Variants in ADAMTSL1 observed in about 807,000 individuals in gnomAD.
The protein encoded by ADAMTSL1 is ADAMTS-like protein 1.
Under a neutral mutation model 201.8 loss-of-function variants are expected in ADAMTSL1, and 126 were observed. The observed-to-expected ratio is 0.62, with a 90% confidence interval of 0.54 to 0.72. ADAMTSL1 has a LOEUF of 0.72. ADAMTSL1 is among the 30% of genes least tolerant of loss of function. ADAMTSL1 has a pLI of 0.00. For missense variants in ADAMTSL1, 2,679 were observed against 2,277.8 expected (o/e 1.18, Z -3.59); for synonymous variants, 1,121 against 903.4 (o/e 1.24, Z -4.32).
At chr9:18,420,520 G>A (rs949611956) in intron 2 of ADAMTSL1, among the ~76,000 whole-genome samples, 2 of 152,184 alleles carry the variant, frequency 1.3e-5, no homozygotes, top group Admixed American at 6.5e-5. Context: ...CTTCCTCTAA[G>A]GCTGTCAGTA....
intron 13 of ADAMTSL1, among the ~76,000 whole-genome samples, chr9:18,704,262 C>G (rs528831778): frequency 1.0e-3 from 158 of 152,302 alleles, no homozygotes; most frequent in African/African-American, 3.7e-3. Context: ...AGAGTTCACG[C>G]AGTCCGCAAA....
intron 1 of ADAMTSL1, among the ~76,000 whole-genome samples, chr9:18,475,026 G>C (rs985317588): frequency 1.3e-5 from 2 of 152,094 alleles, no homozygotes; most frequent in Admixed American, 6.6e-5. Flanking sequence ...CTCATACTTG[G>C]TTTTATGGGC....
intron 1 of ADAMTSL1, among the ~76,000 whole-genome samples, chr9:17,931,054 C>G (rs1037745022): frequency 1.6e-4 from 25 of 152,140 alleles, no homozygotes; most frequent in Admixed American, 1.0e-3. Context: ...AACCAGTTCT[C>G]CATCTCATGG....
intron 26 of ADAMTSL1, chr9:18,905,442 G>C (rs1205243534): frequency 7.4e-6 from 2 of 271,152 alleles, no homozygotes; most frequent in Non-Finnish European, 1.4e-5. Flanking sequence ...CTATTTAAGG[G>C]TCTTCAGTTC....
intron 1 of ADAMTSL1, among the ~76,000 whole-genome samples, chr9:17,995,841 G>A (rs761724510): frequency 1.3e-5 from 2 of 151,240 alleles, no homozygotes; most frequent in Non-Finnish European, 2.9e-5. Flanking sequence ...GAGGATCCAG[G>A]TTCAAATCCT....
intron 5 of ADAMTSL1, chr9:18,622,610 G>C: frequency 1.7e-6 from 1 of 594,010 alleles, no homozygotes; most frequent in Non-Finnish European, 3.0e-6. Context: ...AACCAGACAT[G>C]GGGCTACAAA....
rs148864661 is a variant in ADAMTSL1, at chr9:18,766,175, G to C, written c.2218-4427G>C. Among the ~76,000 whole-genome samples, 940 of 152,268 alleles carry C rather than the reference G, an allele frequency of 6.2e-3. 6 individuals carry two copies. The highest frequency in any genetic ancestry group is 0.021 in the African/African-American group (856 of 41,540). ...ATTCACCTAGCTAGAACCATGCTTG[G>C]TTCATGATTGGCATTTAATAAATTT... On this transcript the variant is annotated intron_variant, in intron 16 of 28. Transcript: ENST00000380548.
chr9:18,836,625 TTC>T (rs1267955904), intron 23 of ADAMTSL1, among the ~76,000 whole-genome samples: 14 of 152,320 alleles, frequency 9.2e-5, no homozygotes, highest in African/African-American at 3.1e-4. Flanking sequence ...TTTTTTCTAA[TTC>T]TGTGAAAAAT....
chr9:18,600,086 C>G (rs1824537644), intron 4 of ADAMTSL1, among the ~76,000 whole-genome samples: 1 of 151,554 alleles, frequency 6.6e-6, no homozygotes, highest in African/African-American at 2.4e-5. Context: ...TGAAATGACA[C>G]TGCTGCCTTG....
chr9:17,986,578 C>G (rs1205921181), intron 1 of ADAMTSL1, among the ~76,000 whole-genome samples: 1 of 152,016 alleles, frequency 6.6e-6, no homozygotes, highest in Non-Finnish European at 1.5e-5. Context: ...GACACATGCT[C>G]AAGTTAAGAT....
intron 1 of ADAMTSL1, among the ~76,000 whole-genome samples, chr9:18,079,637 G>A (rs911628116): frequency 3.3e-5 from 5 of 151,338 alleles, no homozygotes; most frequent in African/African-American, 4.9e-5. Flanking sequence ...AGCCGAGATC[G>A]CACCACTGCA....
chr9:18,438,069 C>T (rs1341825584), intron 2 of ADAMTSL1, among the ~76,000 whole-genome samples: 3 of 152,056 alleles, frequency 2.0e-5, no homozygotes, highest in Non-Finnish European at 4.4e-5. Context: ...TTAACGCGTG[C>T]TTGATGGTGG....
intron 20 of ADAMTSL1, among the ~76,000 whole-genome samples, chr9:18,806,982 T>C (rs1823173192): frequency 6.6e-6 from 1 of 152,188 alleles, no homozygotes; most frequent in Admixed American, 6.5e-5. Context: ...CCTGTTACAT[T>C]ACTTCTAACA....
intron 2 of ADAMTSL1, among the ~76,000 whole-genome samples, chr9:18,429,267 T>G (rs1330513356): frequency 1.3e-5 from 2 of 152,242 alleles, no homozygotes; most frequent in Non-Finnish European, 2.9e-5. Context: ...TCAATCTGAA[T>G]ATGACTTCAT....
At chr9:18,022,740 G>C (rs896392313) in intron 1 of ADAMTSL1, among the ~76,000 whole-genome samples, 1 of 152,102 alleles carries the variant, frequency 6.6e-6, no homozygotes, top group Admixed American at 6.6e-5. Context: ...CATGATTTAT[G>C]CATGTGCTGA....
intron 7 of ADAMTSL1, among the ~76,000 whole-genome samples, chr9:18,656,776 T>A (rs1034916951): frequency 6.6e-6 from 1 of 152,302 alleles, no homozygotes; most frequent in African/African-American, 2.4e-5. Flanking sequence ...AACCTCCTTA[T>A]AAAAAGTAGT....
intron 1 of ADAMTSL1, among the ~76,000 whole-genome samples, chr9:18,113,733 T>A (rs991737979): frequency 4.6e-5 from 7 of 152,122 alleles, no homozygotes; most frequent in Non-Finnish European, 7.4e-5. Flanking sequence ...GTCACTGTTC[T>A]GAGGACTTGT....
At chr9:18,688,612 G>A (rs1470486557) in intron 13 of ADAMTSL1, among the ~76,000 whole-genome samples, 2 of 128,310 alleles carry the variant, frequency 1.6e-5, no homozygotes, top group Non-Finnish European at 3.2e-5. Flanking sequence ...AGGCTGCAGT[G>A]AGCTGAGATC....
intron 2 of ADAMTSL1, among the ~76,000 whole-genome samples, chr9:18,530,189 C>T (rs1409520871): frequency 2.6e-5 from 4 of 152,106 alleles, no homozygotes; most frequent in African/African-American, 9.7e-5. Flanking sequence ...TGTGCATAGG[C>T]TTTCCTAAAT....
Sources: allele counts gnomAD v4.1 joint callset (sites outside exome capture counted in the v4.1 genomes callset), GRCh38; gene constraint gnomAD v4.1.1; transcripts MANE v1.5; gene names NCBI Gene and HGNC (gene_info 2026-07-23, HGNC 2026-07-21).